The following C19orf81 variants were observed in gnomAD, a reference collection of about 807,000 sequenced individuals.
The protein encoded by C19orf81 is putative uncharacterized protein C19orf81.
In C19orf81, 19 loss-of-function variants were observed where a neutral mutation model predicts 22.1. That is an observed-to-expected ratio of 0.86 (90% CI 0.60 to 1.26). The LOEUF is 1.26. Among genes scored for constraint, C19orf81 ranks in the 50% most tolerant of loss-of-function variants. The probability of loss-of-function intolerance (pLI) is 0.00; values close to 1 mark genes in which losing one functional copy is unlikely to be tolerated. For missense variants in C19orf81, 287 were observed against 280.7 expected (o/e 1.02, Z -0.16); for synonymous variants, 108 against 113.1 (o/e 0.95, Z 0.29).
chr19:50,658,067 G>A lies in C19orf81; in HGVS notation c.340G>A (p.Val114Met). Residue 114 changes from valine (V) to methionine (M), a missense_variant, in exon 4 of 5, where the codon GTG (valine) becomes ATG (methionine). By Grantham distance (21) the Val-to-Met change is conservative. Coordinates refer to ENST00000425202, the MANE Select transcript of C19orf81 (RefSeq NM_001195076.2). ...ACCAGGGGCCATGGAGAGCGGGCGC[G>A]TGAGCAGCATCCGCTTTGAGAACAT... ...QLPGAMESGRVSSIRFENMNV... is the reference protein window; with the variant it reads ...QLPGAMESGRMSSIRFENMNV... 2.0e-6 allele frequency: 3 copies of A among 1,536,018 alleles called. No individual in the cohort carries two copies. Among genetic ancestry groups the A allele is most frequent in the African/African-American group, 1.4e-5 (1 of 73,170 alleles).
intron 1 of C19orf81, among the ~76,000 whole-genome samples, chr19:50,653,335 G>A (rs1237469288): frequency 1.3e-5 from 2 of 152,062 alleles, no homozygotes; most frequent in East Asian, 1.9e-4. Context: ...TACTGTGCCC[G>A]GCCACAGTGG....
At chr19:50,655,360 T>C (rs1282600181) in intron 1 of C19orf81, among the ~76,000 whole-genome samples, 2 of 152,074 alleles carry the variant, frequency 1.3e-5, no homozygotes, top group Non-Finnish European at 2.9e-5. Flanking sequence ...TTGGAAAAAC[T>C]GAAAACTGGG....
intron 3 of C19orf81, among the ~76,000 whole-genome samples, chr19:50,656,991 GGA>G (rs1985009902): frequency 6.7e-6 from 1 of 148,480 alleles, no homozygotes; most frequent in Non-Finnish European, 1.5e-5. Flanking sequence ...AAGGAAGGAA[GGA>G]AGGGAGGGAG....
At chr19:50,655,285 A>G (rs1397240519) in intron 1 of C19orf81, among the ~76,000 whole-genome samples, 1 of 152,154 alleles carries the variant, frequency 6.6e-6, no homozygotes, top group African/African-American at 2.4e-5. Context: ...GGGGTGGTCA[A>G]AAAGGGTCCA....
At chr19:50,656,185 C>A in intron 2 of C19orf81, 41 bp from the exon 3 acceptor site, 1 of 1,536,112 alleles carries the variant, frequency 6.5e-7, no homozygotes, top group South Asian at 1.2e-5. Context: ...TGGCAGTGAA[C>A]CCTGACCTCA....
Position 50,656,221 on chromosome 19 carries a change from C to T in C19orf81, c.141-5C>T. The T allele has an allele frequency of 6.5e-7, 1 of 1,536,070 alleles. No individual in the cohort carries two copies. Among genetic ancestry groups the T allele is most frequent in the Non-Finnish European group, 8.7e-7 (1 of 1,146,832 alleles). On this transcript the variant is annotated splice_polypyrimidine_tract_variant and splice_region_variant and intron_variant, in intron 2 of 4. Coordinates refer to ENST00000425202, the MANE Select transcript of C19orf81 (RefSeq NM_001195076.2). ...GAGGTCCCTGCCTGTTCGCTCTCTC[C>T]CTAGAAAGCAGTACCTGCGGCAGGT...
At chr19:50,653,106 C>G (rs547957949) in intron 1 of C19orf81, among the ~76,000 whole-genome samples, 1 of 152,228 alleles carries the variant, frequency 6.6e-6, no homozygotes, top group South Asian at 2.1e-4. Flanking sequence ...GGCACGATCC[C>G]GGCTCACTGC....
intron 1 of C19orf81, among the ~76,000 whole-genome samples, chr19:50,654,532 C>T (rs1355805011): frequency 1.9e-4 from 29 of 151,920 alleles, no homozygotes; most frequent in African/African-American, 7.3e-5. Context: ...CTCCTGACCT[C>T]GTGATCTGCC....
chr19:50,649,670 C>T (rs1984837142), intron 1 of C19orf81, 159 bp downstream of exon 1: 2 of 816,238 alleles, frequency 2.5e-6, no homozygotes, highest in Non-Finnish European at 4.1e-6. Context: ...GAGAGCGGCC[C>T]CCTTGGACCT....
At chr19:50,656,979 A>AGAAG (rs370262136) in intron 3 of C19orf81, among the ~76,000 whole-genome samples, 5,492 of 144,246 alleles carry the variant, frequency 0.038, 217 homozygotes, top group African/African-American at 0.098. Flanking sequence ...AAAGAAAGAA[A>AGAAG]GAAGGAAGGA....
chr19:50,650,115 T>A (rs1984845654), intron 1 of C19orf81, among the ~76,000 whole-genome samples: 1 of 151,986 alleles, frequency 6.6e-6, no homozygotes, highest in Non-Finnish European at 1.5e-5. Flanking sequence ...TCCAGAGAGG[T>A]CTCTCTGACT....
At chr19:50,650,606 G>A (rs1344050270) in intron 1 of C19orf81, among the ~76,000 whole-genome samples, 3 of 152,142 alleles carry the variant, frequency 2.0e-5, no homozygotes, top group Non-Finnish European at 4.4e-5. Flanking sequence ...AGGAGGCAGA[G>A]GCTGCAGCGA....
chr19:50,650,000 C>G (rs1447346590), intron 1 of C19orf81, among the ~76,000 whole-genome samples: 1 of 152,212 alleles, frequency 6.6e-6, no homozygotes, highest in Admixed American at 6.5e-5. Flanking sequence ...TCCTTCCTCT[C>G]TGTCCCCGCA....
intron 1 of C19orf81, among the ~76,000 whole-genome samples, chr19:50,652,998 GGTT>G (rs1984910954): frequency 6.6e-6 from 1 of 152,162 alleles, no homozygotes; most frequent in Admixed American, 6.6e-5. Flanking sequence ...TACCTCGGAA[GGTT>G]GTTGTGAGGA....
rs889885385 is a variant in C19orf81, at chr19:50,658,090, C to T, written c.363C>T (p.Asn121=). 4.4e-5 allele frequency: 68 copies of T among 1,535,746 alleles called. No homozygotes were observed. In the Admixed American group the frequency reaches 6.9e-4, roughly 16 times the overall value. ...SGRVSSIRFE[N]MNVICGTAGR... ...GCGTGAGCAGCATCCGCTTTGAGAA[C>T]ATGAACGTCATCTGTGGGACTGCTG... The change falls in exon 4 of 5, where the codon AAC becomes AAT. Residue 121 remains asparagine (N), a synonymous_variant. Transcript: ENST00000425202.
At chr19:50,652,182 T>C (rs1040230409) in intron 1 of C19orf81, among the ~76,000 whole-genome samples, 2 of 152,218 alleles carry the variant, frequency 1.3e-5, no homozygotes, top group Admixed American at 6.5e-5. Context: ...TCATACCTAG[T>C]ACATATTTAA....
In C19orf81 at chr19:50,658,005, C is replaced by T; in HGVS notation, c.278C>T (p.Thr93Ile). 1 of 1,531,662 alleles carries T rather than the reference C, an allele frequency of 6.5e-7. No homozygotes were observed. The highest frequency in any genetic ancestry group is 8.7e-7 in the Non-Finnish European group (1 of 1,145,228). The allele number at this position is 1,531,662 out of a possible 1,614,324, so 94.9% of individuals were successfully genotyped here. The change falls in exon 4 of 5, where the codon ACC becomes ATC. Residue 93 changes from threonine to isoleucine, a missense_variant. By Grantham distance (89) the Thr-to-Ile change is moderately conservative (BLOSUM62 -1). Transcript: ENST00000425202. Reference sequence around the variant, plus strand: ...CACCCGCAGCCCGAGGAGGATTTTACCCACCTGGAGGTGCTGCAAGCCCTG... The same window carrying T: ...CACCCGCAGCCCGAGGAGGATTTTATCCACCTGGAGGTGCTGCAAGCCCTG... ...CMETLPEEDF[T>I]HLEVLQALEA...
intron 3 of C19orf81, among the ~76,000 whole-genome samples, chr19:50,656,575 C>T (rs1325220049): frequency 6.6e-6 from 1 of 152,116 alleles, no homozygotes; most frequent in Non-Finnish European, 1.5e-5. Flanking sequence ...AAAGGGGAGG[C>T]TGAGGGGGGC....
rs186816835 is a variant in C19orf81 at position 50,650,007 on chromosome 19, C to A, written c.67+496C>A. Among the ~76,000 whole-genome samples the A allele has an allele frequency of 1.1e-4, 16 of 152,290 alleles. No homozygotes were observed. In the East Asian group the frequency reaches 3.1e-3, roughly 29 times the overall value. On this transcript the variant is annotated intron_variant, in intron 1 of 4. Coordinates refer to ENST00000425202, the MANE Select transcript of C19orf81 (RefSeq NM_001195076.2). ...TTCCCCATTCCTTCCTCTCTGTCCC[C>A]GCAGCCCTGTCCCAGGTCTCATCCT...
Sources: gnomAD v4.1 joint callset for allele counts (sites outside exome capture counted in the v4.1 genomes callset) on GRCh38, gnomAD v4.1.1 for gene constraint, MANE v1.5 for transcripts, NCBI Gene and HGNC (gene_info 2026-07-23, HGNC 2026-07-21) for gene names.